Variants in EHMT1 observed in about 807,000 individuals in gnomAD.
The protein encoded by EHMT1 is euchromatic histone lysine methyltransferase 1.
Under a neutral mutation model 147.2 loss-of-function variants are expected in EHMT1, and 15 were observed. The observed-to-expected ratio is 0.10, with a 90% CI of 0.07 to 0.16. The LOEUF is 0.16. EHMT1 is among the 10% of genes least tolerant of loss of function. EHMT1 has a pLI of 1.00. For missense variants in EHMT1, 1,587 were observed against 1,772.4 expected (o/e 0.90, Z 1.88); for synonymous variants, 795 against 709.6 (o/e 1.12, Z -1.91).
rs756140987 is a variant in EHMT1, at chr9:137,777,960, G to A, written c.2097G>A (p.Thr699=). 1.3e-5 allele frequency: 21 copies of A among 1,613,742 alleles called. No individual in the cohort carries two copies. In the East Asian group the frequency reaches 1.8e-4, roughly 14 times the overall value. The part of the protein sequence containing the change: ...ASHVPEGFDP[T]GPAGLGRPTP... ...ACGTGCCCGAGGGCTTTGATCCAAC[G>A]GGACCTGCTGGGCTTGGGAGGCCAA... The change falls in exon 13 of 27, where the codon ACG becomes ACA. Residue 699 remains threonine (T), a synonymous_variant. Transcript: ENST00000460843.
intron 1 of EHMT1, chr9:137,697,126 CA>C: frequency 2.5e-6 from 1 of 394,748 alleles, no homozygotes; most frequent in Non-Finnish European, 5.2e-6. Flanking sequence ...ACTAAAAGTG[CA>C]AAAATTAGCT....
intron 6 of EHMT1, among the ~76,000 whole-genome samples, chr9:137,751,592 T>G (rs1281746486): frequency 6.6e-6 from 1 of 152,234 alleles, no homozygotes; most frequent in African/African-American, 2.4e-5. Context: ...TCACGTATGT[T>G]TCAGTGTCTT....
intron 1 of EHMT1, among the ~76,000 whole-genome samples, chr9:137,672,661 T>A (rs1225383785): frequency 6.6e-6 from 1 of 152,250 alleles, no homozygotes; most frequent in Admixed American, 6.5e-5. Flanking sequence ...CCAACCAGTT[T>A]CTGCCTCTCG....
At chr9:137,807,791 A>G (rs1476253636) in intron 18 of EHMT1, among the ~76,000 whole-genome samples, 1 of 152,148 alleles carries the variant, frequency 6.6e-6, no homozygotes, top group Non-Finnish European at 1.5e-5. Context: ...TACAAGTGTG[A>G]GCCACCTCAC....
rs1418983366 is a variant in EHMT1, at chr9:137,776,543, G to A, written c.1792-75G>A. 11 of 1,486,018 alleles carry A rather than the reference G, an allele frequency of 7.4e-6. No individual in the cohort carries two copies. The East Asian group carries it at 9.4e-5, about 13-fold the overall frequency. 92.1% of individuals were successfully genotyped at this position (1,486,018 alleles called of 1,614,324 possible). Reference sequence around the variant, plus strand: ...CCGCCCGATGTGGGATGCGGTGCCAGTTTAGTAGTACTTTATTTTTCTAAA... The same window carrying A: ...CCGCCCGATGTGGGATGCGGTGCCAATTTAGTAGTACTTTATTTTTCTAAA... On this transcript the variant is annotated intron_variant, in intron 11 of 26. Transcript: ENST00000460843. This position sits in a 1 kb window ranked among gnomAD's most constrained non-coding sequence, Gnocchi z 4.4.
intron 1 of EHMT1, chr9:137,681,065 C>T (rs951429270): frequency 8.5e-5 from 13 of 152,248 alleles, no homozygotes; most frequent in African/African-American, 3.1e-4. Context: ...TTAGGACACC[C>T]TGTTGTGGGA....
At chr9:137,692,653 G>T (rs1041904840) in intron 1 of EHMT1, among the ~76,000 whole-genome samples, 1 of 152,104 alleles carries the variant, frequency 6.6e-6, no homozygotes, top group Non-Finnish European at 1.5e-5. Flanking sequence ...TCTTTTAGAC[G>T]TTGATATCTT....
intron 10 of EHMT1, among the ~76,000 whole-genome samples, chr9:137,770,841 G>A (rs561790671): frequency 2.0e-5 from 3 of 152,356 alleles, no homozygotes; most frequent in Admixed American, 2.0e-4. Flanking sequence ...GTGTCCTGCT[G>A]GGGGAGGCAC....
Position 137,784,216 on chromosome 9 carries a change from C to T in EHMT1, c.2382+1819C>T, listed in dbSNP as rs561332895. The T allele has an allele frequency of 4.5e-6, 7 of 1,548,632 alleles. No homozygotes were observed. The South Asian group carries it at 6.0e-5, about 13-fold the overall frequency. On this transcript the variant is annotated intron_variant, in intron 15 of 26. Coordinates refer to ENST00000460843, the MANE Select transcript of EHMT1 (RefSeq NM_024757.5). Reference sequence around the variant, plus strand: ...GAACCACGCCAAGAGGAAGATGCTCCAGCACAGCCTTGCTGTGGACCAGGC... The same window carrying T: ...GAACCACGCCAAGAGGAAGATGCTCTAGCACAGCCTTGCTGTGGACCAGGC...
intron 2 of EHMT1, among the ~76,000 whole-genome samples, chr9:137,713,372 C>T (rs1254298883): frequency 2.0e-5 from 3 of 151,154 alleles, no homozygotes; most frequent in African/African-American, 7.3e-5. Flanking sequence ...CGGGTTCACG[C>T]CATTCTTCTG....
In EHMT1 at chr9:137,834,977, T is replaced by C; in HGVS notation, c.*24T>C. ...GAGACGCCGCCGGCCAGCGGGGCGC[T>C]CGGGAGCCAGGGACCGCCGCGTCGC... On this transcript the variant is annotated 3_prime_UTR_variant, in exon 27 of 27. Coordinates refer to ENST00000460843, the MANE Select transcript of EHMT1 (RefSeq NM_024757.5). The C allele has an allele frequency of 7.2e-7, 1 of 1,386,874 alleles. No homozygotes were observed. Among genetic ancestry groups the C allele is most frequent in the Non-Finnish European group, 9.3e-7 (1 of 1,078,690 alleles). The allele number at this position is 1,386,874 out of a possible 1,614,324, so 85.9% of individuals were successfully genotyped here. A position where few individuals can be genotyped will look rare whatever the true frequency, so the allele number is the denominator to read the frequency against.
chr9:137,687,971 T>C (rs1476430195), intron 1 of EHMT1, among the ~76,000 whole-genome samples: 2 of 152,244 alleles, frequency 1.3e-5, no homozygotes, highest in African/African-American at 2.4e-5. Context: ...TTTTGTAGTT[T>C]CATTGTACAA....
At position 137,814,829 on chromosome 9, in the gene EHMT1, G is replaced by A. The variant is rs116993388; in HGVS notation, c.3258+321G>A. 1.0e-3 allele frequency: 535 copies of A among 514,840 alleles called. 5 individuals carry two copies. In the East Asian group the frequency reaches 0.018, roughly 18 times the overall value. The allele number at this position is 514,840 out of a possible 1,614,324, so 31.9% of individuals were successfully genotyped here. A position where few individuals can be genotyped will look rare whatever the true frequency, so the allele number is the denominator to read the frequency against. On this transcript the variant is annotated intron_variant, in intron 22 of 26. Transcript: ENST00000460843. ...TGCTTATGTTGTGTGTATCTGGTAA[G>A]CTGTGCCTTGTGCTTGCTGAGTGTG...
At chr9:137,768,347 G>GTTTTTTTT (rs768762232) in intron 10 of EHMT1, among the ~76,000 whole-genome samples, 6 of 92,520 alleles carry the variant, frequency 6.5e-5, no homozygotes, top group Non-Finnish European at 1.0e-4. Context: ...TTTTCTGTGT[G>GTTTTTTTT]TTTTTTTTTT....
chr9:137,791,939 G>A (rs990847871), intron 16 of EHMT1: 17 of 352,246 alleles, frequency 4.8e-5, no homozygotes, highest in Admixed American at 1.5e-4. Context: ...CACCATGTTG[G>A]CCAAGCTGGT....
At chr9:137,728,592 A>G (rs1462016672) in intron 4 of EHMT1, 63 bp downstream of exon 4, 3 of 1,608,134 alleles carry the variant, frequency 1.9e-6, no homozygotes, top group Non-Finnish European at 2.6e-6. Context: ...GCCCCTTGCC[A>G]GGTGAGAGTT....
intron 17 of EHMT1, 89 bp from the exon 18 acceptor site, chr9:137,800,791 A>T (rs1036957216): frequency 6.4e-6 from 7 of 1,095,988 alleles, no homozygotes; most frequent in Non-Finnish European, 9.7e-6. Flanking sequence ...GGTACCTGGG[A>T]GGTGCAGAGA....
At chr9:137,762,013 C>CA (rs1444751572) in intron 9 of EHMT1, among the ~76,000 whole-genome samples, 6 of 152,254 alleles carry the variant, frequency 3.9e-5, no homozygotes, top group African/African-American at 1.4e-4. Context: ...GGCATGGGGG[C>CA]ACCAGCCCTG....
intron 15 of EHMT1, chr9:137,784,242 C>G: frequency 5.2e-6 from 8 of 1,534,580 alleles, no homozygotes; most frequent in South Asian, 2.4e-5. Context: ...TGGACCAGGC[C>G]GCCCACAGGG....
Sources: gnomAD v4.1 joint callset for allele counts (sites outside exome capture counted in the v4.1 genomes callset) on GRCh38, gnomAD v4.1.1 for gene constraint, Gnocchi (gnomAD v3.1) non-coding constraint, MANE v1.5 for transcripts, NCBI Gene and HGNC (gene_info 2026-07-23, HGNC 2026-07-21) for gene names.